UTRN: variants seen among roughly 807,000 people sequenced by gnomAD.
UTRN encodes dystrophin-related protein 1.
UTRN carries 283 observed loss-of-function variants against 463.9 expected under a neutral mutation model. That is an observed-to-expected ratio of 0.61 (90% CI 0.55 to 0.67). The LOEUF (loss-of-function observed/expected upper bound fraction) is 0.67, where lower values mean the gene tolerates loss of function less well. Ranked by LOEUF, UTRN falls within the 30% of genes least tolerant of loss-of-function variation. The probability of loss-of-function intolerance (pLI) is 0.00; values close to 1 mark genes in which losing one functional copy is unlikely to be tolerated. For missense variants in UTRN, 3,922 were observed against 4,084.3 expected, an observed-to-expected ratio of 0.96 and a Z score of 1.08; for synonymous variants, 1,442 against 1,431.5, an observed-to-expected ratio of 1.01 and a Z score of -0.17.
At chr6:144,587,490 C>A (rs1325604072) in intron 51 of UTRN, among the ~76,000 whole-genome samples, 1 of 152,098 alleles carries the variant, frequency 6.6e-6, no homozygotes, top group Non-Finnish European at 1.5e-5. Context: ...AATCTCTCAG[C>A]AGGTTTTTAT....
At chr6:144,495,600 G>C (rs1027391140) in intron 33 of UTRN, among the ~76,000 whole-genome samples, 12 of 151,904 alleles carry the variant, frequency 7.9e-5, no homozygotes, top group African/African-American at 2.9e-4. Flanking sequence ...ACAGTGCAGC[G>C]GTGGGCTGAA....
In UTRN at chr6:144,461,268, G is replaced by T. The variant is rs745732859; in HGVS notation, c.2779G>T (p.Glu927Ter). 1.2e-6 allele frequency: 2 copies of T among 1,610,480 alleles called. No homozygotes were observed. The highest frequency in any genetic ancestry group is 2.2e-5 in the South Asian group (2 of 90,432). ...KTLKDVLNDS[E>*]NKAQVSLNVL... is the part of the protein sequence containing the mutation. ...ACTGAAAGATGTGCTAAATGATTCA[G>T]AAAATAAGGCCCAGGTGTCTCTGAA... The change falls in exon 22 of 75, where the codon GAA (glutamate) becomes TAA (stop). Residue 927 changes from glutamate to a stop codon, truncating the protein, a stop_gained. Coordinates refer to ENST00000367545, the MANE Select transcript of UTRN (RefSeq NM_007124.3). LOFTEE classifies it high-confidence loss of function.
In UTRN at chr6:144,836,470, A is replaced by T. The variant is rs1256427832; in HGVS notation, c.9994A>T (p.Met3332Leu). ...RQHKGRLEAR[M>L]QILEDHNKQL... ...GCACAAAGGTCGGCTGGAGGCTAGG[A>T]TGCAGATTTTAGAAGATCACAATAA... Residue 3332 changes from methionine to leucine, a missense_variant, in exon 71 of 75, where the codon ATG becomes TTG. By Grantham distance (15) the Met-to-Leu change is conservative. Transcript: ENST00000367545. 1.9e-6 allele frequency: 3 copies of T among 1,612,182 alleles called. No individual in the cohort carries two copies. In the East Asian group the frequency reaches 6.7e-5, roughly 36 times the overall value.
chr6:144,483,653 T>TACA (rs1792121853), intron 27 of UTRN, among the ~76,000 whole-genome samples: 1 of 152,186 alleles, frequency 6.6e-6, no homozygotes, highest in Admixed American at 6.5e-5. Flanking sequence ...CTTGCTATGT[T>TACA]GCCCAAGTTG....
At position 144,777,499 on chromosome 6, in the gene UTRN, G is replaced by A. The variant is rs139865205; in HGVS notation, c.8632+3135G>A. ...CCATAATTGTAAGAGGATGTAATTA[G>A]GCAGGATTCAAGGAGCTTCCAAGAT... On this transcript the variant is annotated intron_variant, in intron 60 of 74. Transcript: ENST00000367545. Among the ~76,000 whole-genome samples, 181 of 152,284 alleles carry A rather than the reference G, an allele frequency of 1.2e-3. 2 individuals are homozygous for A. The highest frequency in any genetic ancestry group is 1.3e-3 in the Non-Finnish European group (91 of 68,014).
At chr6:144,706,142 A>G (rs1440985166) in intron 53 of UTRN, among the ~76,000 whole-genome samples, 1 of 151,770 alleles carries the variant, frequency 6.6e-6, no homozygotes, top group Non-Finnish European at 1.5e-5. Flanking sequence ...ACATAAACCT[A>G]AGTCTCTAAC....
At chr6:144,838,068 A>T (rs1311295657) in intron 71 of UTRN, among the ~76,000 whole-genome samples, 1 of 152,236 alleles carries the variant, frequency 6.6e-6, no homozygotes, top group East Asian at 1.9e-4. Flanking sequence ...TGTTTAGAAT[A>T]TGAAGTGTTA....
chr6:144,492,490 A>C (rs954864103), intron 32 of UTRN, among the ~76,000 whole-genome samples: 1 of 152,152 alleles, frequency 6.6e-6, no homozygotes, highest in African/African-American at 2.4e-5. Flanking sequence ...ACGGGAGTGC[A>C]TGTGTCCTTT....
At chr6:144,649,553 G>GT (rs1207525068) in intron 51 of UTRN, among the ~76,000 whole-genome samples, 1 of 152,164 alleles carries the variant, frequency 6.6e-6, no homozygotes, top group Non-Finnish European at 1.5e-5. Context: ...CTGCATCACA[G>GT]TTTAGTTATT....
At chr6:144,364,431 G>A (rs1389357500) in intron 2 of UTRN, among the ~76,000 whole-genome samples, 1 of 152,036 alleles carries the variant, frequency 6.6e-6, no homozygotes, top group East Asian at 1.9e-4. Flanking sequence ...GATGACTCCT[G>A]GTGTAGATTT....
chr6:144,739,482 G>C (rs930330062), intron 54 of UTRN, among the ~76,000 whole-genome samples: 1 of 152,186 alleles, frequency 6.6e-6, no homozygotes, highest in Admixed American at 6.5e-5. Flanking sequence ...AACTGGGCTA[G>C]TAAAACTAAT....
chr6:144,356,504 T>C (rs1778558891), intron 2 of UTRN, among the ~76,000 whole-genome samples: 1 of 152,210 alleles, frequency 6.6e-6, no homozygotes, highest in South Asian at 2.1e-4. Context: ...ATTATTATTG[T>C]TGTTGGTATC....
At chr6:144,389,303 C>T (rs1345269339) in intron 2 of UTRN, among the ~76,000 whole-genome samples, 3 of 152,176 alleles carry the variant, frequency 2.0e-5, no homozygotes, top group Non-Finnish European at 2.9e-5. Flanking sequence ...CTGAATAAAA[C>T]GGGAGGCGGG....
chr6:144,818,046 A>G (rs1156793461), intron 65 of UTRN, among the ~76,000 whole-genome samples: 1 of 152,174 alleles, frequency 6.6e-6, no homozygotes, highest in African/African-American at 2.4e-5. Flanking sequence ...TAGCTAAAGA[A>G]TGTATGCTGT....
At chr6:144,832,357 G>A (rs62427256) in intron 69 of UTRN, among the ~76,000 whole-genome samples, 2,211 of 152,222 alleles carry the variant, frequency 0.015, 37 homozygotes, top group Admixed American at 0.04. Context: ...CATAATGAAA[G>A]AATGCAATGA....
chr6:144,511,051 G>A lies in UTRN; in HGVS notation c.4872G>A (p.Glu1624=), dbSNP rs770290380. 9.9e-6 allele frequency: 16 copies of A among 1,612,844 alleles called. No individual in the cohort carries two copies. Among genetic ancestry groups the A allele is most frequent in the Non-Finnish European group, 1.4e-5 (16 of 1,179,230 alleles). The change falls in exon 35 of 75, where the codon GAG becomes GAA. Residue 1624 remains glutamate (E), a synonymous_variant. Coordinates refer to ENST00000367545, the MANE Select transcript of UTRN (RefSeq NM_007124.3). ...AGGGCAGTGAGCCTATTTTAGAAGA[G>A]AGGCTCTGCGTCCTTAACGCTGGGT... ...LIEGSEPILE[E]RLCVLNAGWS... is the part of the protein sequence containing the mutation.
intron 13 of UTRN, among the ~76,000 whole-genome samples, chr6:144,441,101 A>G (rs140886416): frequency 0.01 from 1,596 of 152,274 alleles, 36 homozygotes; most frequent in African/African-American, 0.035. Flanking sequence ...CAAGCAAACC[A>G]TATCATTCCA....
At chr6:144,465,558 G>C (rs1473668958) in intron 23 of UTRN, among the ~76,000 whole-genome samples, 2 of 152,132 alleles carry the variant, frequency 1.3e-5, no homozygotes, top group Non-Finnish European at 2.9e-5. Flanking sequence ...TTGTGGTTAA[G>C]GAATACAGTG....
intron 2 of UTRN, among the ~76,000 whole-genome samples, chr6:144,329,025 T>A (rs2114601537): frequency 6.6e-6 from 1 of 151,216 alleles, no homozygotes; most frequent in South Asian, 2.1e-4. Context: ...CCTCAGGTAA[T>A]CCCCCTGCCT....
Sources: gnomAD v4.1 joint callset for allele counts (sites outside exome capture counted in the v4.1 genomes callset) on GRCh38, gnomAD v4.1.1 for gene constraint, MANE v1.5 for transcripts, NCBI Gene and HGNC (gene_info 2026-07-23, HGNC 2026-07-21) for gene names.